REPS1: variants seen among roughly 807,000 people sequenced by gnomAD.
The protein encoded by REPS1 is ralBP1-associated Eps domain-containing protein 1.
Under a neutral mutation model 100.9 loss-of-function variants are expected in REPS1, and 39 were observed. The ratio of observed to expected loss-of-function variants is 0.39; its 90% CI spans 0.30 to 0.50. The LOEUF (loss-of-function observed/expected upper bound fraction) is 0.50, where lower values mean the gene tolerates loss of function less well. Ranked by LOEUF, REPS1 falls within the 20% of genes least tolerant of loss-of-function variation. The pLI is 0.86. For synonymous variants in REPS1, 324 were observed against 340.3 expected, an observed-to-expected ratio of 0.95 and a Z score of 0.53; for missense variants, 821 against 968.5, an observed-to-expected ratio of 0.85 and a Z score of 2.02.
chr6:138,955,457 A>AAAAGTGTGTGTGTGT (rs10689184), intron 1 of REPS1, among the ~76,000 whole-genome samples: 1 of 90,734 alleles, frequency 1.1e-5, no homozygotes, highest in South Asian at 5.6e-4. Flanking sequence ...AAAAAAAAAA[A>AAAAGTGTGTGTGTGT]GTGTGTGTGT....
At position 138,982,297 on chromosome 6, in the gene REPS1, A is replaced by AT. The variant is rs567987255; in HGVS notation, c.153+5232dup. Among the ~76,000 whole-genome samples the AT allele has an allele frequency of 1.8e-4, 27 of 152,334 alleles. No individual in the cohort carries two copies. In the East Asian group the frequency reaches 2.3e-3, roughly 13 times the overall value. On this transcript the variant is annotated intron_variant, in intron 1 of 19. Coordinates refer to ENST00000450536, the MANE Select transcript of REPS1 (RefSeq NM_001286611.2). ...CACTGTTATTGCTTTTCCCCATTAA[A>AT]TTTATGTGTTATGCAAATATTCTAA...
At chr6:138,905,267 G>A in intron 19 of REPS1, 135 bp from the exon 20 acceptor site, 1 of 601,864 alleles carries the variant, frequency 1.7e-6, no homozygotes, top group Non-Finnish European at 3.0e-6. Flanking sequence ...TATTTTAAAA[G>A]TATACTTCAC....
At chr6:138,921,319 T>A (rs1467491697) in intron 10 of REPS1, among the ~76,000 whole-genome samples, 195 bp from the exon 11 acceptor site, 2 of 151,788 alleles carry the variant, frequency 1.3e-5, no homozygotes, top group African/African-American at 4.8e-5. Context: ...ATATGCCTAG[T>A]ATCTGCTTAA....
intron 1 of REPS1, among the ~76,000 whole-genome samples, chr6:138,981,975 GTAAA>G (rs1322211763): frequency 5.9e-5 from 9 of 152,126 alleles, no homozygotes; most frequent in African/African-American, 2.2e-4. Context: ...AATTTTAAAA[GTAAA>G]TAAATAGGAC....
At position 138,917,636 on chromosome 6, in the gene REPS1, T is replaced by C. The variant is rs777894001; in HGVS notation, c.1529-9A>G. The C allele has an allele frequency of 2.5e-6, 4 of 1,606,058 alleles. No homozygotes were observed. Among genetic ancestry groups the C allele is most frequent in the East Asian group, 4.5e-5 (2 of 44,798 alleles). On this transcript the variant is annotated splice_polypyrimidine_tract_variant and intron_variant, in intron 12 of 19. Coordinates refer to ENST00000450536, the MANE Select transcript of REPS1 (RefSeq NM_001286611.2). ...ACTACTGTAACCATCTGCTGATAAATGGGATATGTCCTATTTAATAATAAT... is the reference window on the plus strand; with the variant it reads ...ACTACTGTAACCATCTGCTGATAAACGGGATATGTCCTATTTAATAATAAT...
chr6:138,916,421 A>ATGT (rs199966772), intron 13 of REPS1, among the ~76,000 whole-genome samples: 1,567 of 151,870 alleles, frequency 0.01, 22 homozygotes, highest in African/African-American at 0.036. Flanking sequence ...GAGTTTCACC[A>ATGT]TGTTGGCCAG....
At chr6:138,950,487 C>CA (rs200837573) in intron 1 of REPS1, among the ~76,000 whole-genome samples, 27 of 148,922 alleles carry the variant, frequency 1.8e-4, no homozygotes, top group Admixed American at 2.7e-4. Flanking sequence ...TCTCCCCCCG[C>CA]AAAAAAAAAG....
At chr6:138,970,662 T>C (rs1157509162) in intron 1 of REPS1, among the ~76,000 whole-genome samples, 1 of 152,066 alleles carries the variant, frequency 6.6e-6, no homozygotes, top group African/African-American at 2.4e-5. Context: ...TGCACACCTG[T>C]AGTCCCAGCT....
chr6:138,909,244 G>A (rs560591137), intron 17 of REPS1, among the ~76,000 whole-genome samples: 1 of 152,046 alleles, frequency 6.6e-6, no homozygotes, highest in Non-Finnish European at 1.5e-5. Context: ...GGAAAGCTAG[G>A]CAACTCTTTA....
chr6:138,935,864 G>A (rs542611593), intron 8 of REPS1, among the ~76,000 whole-genome samples: 1 of 114,126 alleles, frequency 8.8e-6, no homozygotes, highest in Non-Finnish European at 1.8e-5. Context: ...GGCGGGGGGG[G>A]GGGGCGCGGG....
intron 8 of REPS1, chr6:138,934,216 T>C (rs747532006): frequency 1.7e-5 from 7 of 411,586 alleles, no homozygotes; most frequent in Non-Finnish European, 3.6e-5. Flanking sequence ...GGTGTAGTTT[T>C]ACTCTTACCT....
chr6:138,960,042 C>A (rs1251298589), intron 1 of REPS1, among the ~76,000 whole-genome samples: 1 of 152,172 alleles, frequency 6.6e-6, no homozygotes, highest in Non-Finnish European at 1.5e-5. Context: ...GTATTCCAAA[C>A]AACACCAGTC....
intron 4 of REPS1, 72 bp downstream of exon 4, chr6:138,945,147 T>A (rs1188743721): frequency 6.8e-6 from 9 of 1,328,878 alleles, no homozygotes; most frequent in Non-Finnish European, 7.1e-6. Flanking sequence ...GGCAGGAGGA[T>A]CATTTGAACC....
intron 1 of REPS1, among the ~76,000 whole-genome samples, chr6:138,956,416 C>G (rs377716602): frequency 6.6e-6 from 1 of 151,768 alleles, no homozygotes; most frequent in African/African-American, 2.4e-5. Context: ...AACGAAGATC[C>G]CCATCTCCAC....
Position 138,966,891 on chromosome 6 carries a change from C to T in REPS1, c.154-18978G>A, listed in dbSNP as rs1784055362. The stretch of plus-strand genomic sequence containing the variant: ...TTTCATATAACTACAATACAAACTA[C>T]CTGCTGAAAACATCTGCTATGGTTT... On this transcript the variant is annotated intron_variant, in intron 1 of 19. Coordinates refer to ENST00000450536, the MANE Select transcript of REPS1 (RefSeq NM_001286611.2). 2.0e-5 allele frequency among the ~76,000 whole-genome samples: 3 copies of T among 152,278 alleles called. No individual in the cohort carries two copies. The South Asian group carries it at 6.2e-4, about 32-fold the overall frequency.
intron 14 of REPS1, 57 bp downstream of exon 14, chr6:138,915,801 T>G: frequency 8.3e-7 from 1 of 1,209,056 alleles, no homozygotes; most frequent in Non-Finnish European, 1.2e-6. Context: ...TGTGTATGTG[T>G]GTTGGATTAA....
At chr6:138,909,838 T>C (rs1346839931) in intron 17 of REPS1, among the ~76,000 whole-genome samples, 1 of 152,192 alleles carries the variant, frequency 6.6e-6, no homozygotes, top group Admixed American at 6.5e-5. Flanking sequence ...GTGGTATCTT[T>C]ATAGCAGTGT....
At chr6:138,961,929 G>A (rs1311330422) in intron 1 of REPS1, among the ~76,000 whole-genome samples, 1 of 152,188 alleles carries the variant, frequency 6.6e-6, no homozygotes, top group African/African-American at 2.4e-5. Flanking sequence ...AGGTGTAAAG[G>A]AAGCAGCTGC....
At chr6:138,978,746 ACTGT>A (rs1784745264) in intron 1 of REPS1, among the ~76,000 whole-genome samples, 1 of 152,162 alleles carries the variant, frequency 6.6e-6, no homozygotes, top group Non-Finnish European at 1.5e-5. Context: ...TTACTACTAC[ACTGT>A]TAATCCTGCC....
Sources: gnomAD v4.1 joint callset for allele counts (sites outside exome capture counted in the v4.1 genomes callset) on GRCh38, gnomAD v4.1.1 for gene constraint, MANE v1.5 for transcripts, NCBI Gene and HGNC (gene_info 2026-07-23, HGNC 2026-07-21) for gene names.